Variants in SLC25A31 observed in about 807,000 individuals in gnomAD.
SLC25A31 encodes the protein solute carrier family 25 member 31, also known as ADP/ATP translocase 4.
In SLC25A31, 40 loss-of-function variants were observed where a neutral mutation model predicts 36.2. The observed-to-expected ratio is 1.10, with a 90% CI of 0.86 to 1.44. The LOEUF (loss-of-function observed/expected upper bound fraction) is 1.44. SLC25A31 is among the 40% of genes most tolerant of loss of function. SLC25A31 has a pLI of 0.00. For synonymous variants in SLC25A31, 143 were observed against 149.7 expected, an observed-to-expected ratio of 0.96 and a Z score of 0.32; for missense variants, 350 against 397.1, an observed-to-expected ratio of 0.88 and a Z score of 1.01.
At position 127,773,685 on chromosome 4, in the gene SLC25A31, G is replaced by A. The variant is rs1405364436; in HGVS notation, c.*111G>A. Reference sequence around the variant, plus strand: ...GTTATTGTCTGTATTTTGTTAAAGTGCTAGTTCTGCAATAAAGCATACATT... The same window carrying A: ...GTTATTGTCTGTATTTTGTTAAAGTACTAGTTCTGCAATAAAGCATACATT... On this transcript the variant is annotated 3_prime_UTR_variant, in exon 6 of 6. Coordinates refer to ENST00000281154, the MANE Select transcript of SLC25A31 (RefSeq NM_031291.4). 1.2e-6 allele frequency: 1 copy of A among 818,742 alleles called. No homozygotes were observed. The highest frequency in any genetic ancestry group is 3.0e-5 in the East Asian group (1 of 33,850). The allele number at this position is 818,742 out of a possible 1,614,324, so 50.7% of individuals were successfully genotyped here.
Position 127,767,196 on chromosome 4 carries a change from T to C in SLC25A31, c.609T>C (p.Tyr203=), listed in dbSNP as rs146180302. The C allele has an allele frequency of 1.4e-4, 231 of 1,604,380 alleles. No homozygotes were observed. Among genetic ancestry groups the C allele is most frequent in the Non-Finnish European group, 1.9e-4 (227 of 1,175,416 alleles). ...VQGIIVYRAS[Y]FGAYDTVKGL... ...GCATCATTGTGTACCGAGCCTCTTA[T>C]TTTGGAGCTTATGACACAGTTAAGG... Residue 203 remains tyrosine (Y), a synonymous_variant, in exon 4 of 6, where the codon TAT becomes TAC. Transcript: ENST00000281154.
chr4:127,751,059 T>C (rs551583587), intron 2 of SLC25A31, among the ~76,000 whole-genome samples: 1 of 152,212 alleles, frequency 6.6e-6, no homozygotes, highest in African/African-American at 2.4e-5. Flanking sequence ...CTTCACAGAA[T>C]TGGAAAAAAC....
chr4:127,752,628 T>TA (rs781582528), intron 2 of SLC25A31, among the ~76,000 whole-genome samples: 4 of 151,772 alleles, frequency 2.6e-5, no homozygotes, highest in Non-Finnish European at 5.9e-5. Flanking sequence ...TGGCTATACT[T>TA]ACATCATACA....
At chr4:127,735,887 TATTTA>T (rs1560630421) in intron 1 of SLC25A31, among the ~76,000 whole-genome samples, 13 of 91,990 alleles carry the variant, frequency 1.4e-4, no homozygotes, top group East Asian at 6.1e-4. Flanking sequence ...TTTATTTATT[TATTTA>T]TTTATTTTTT....
rs186684679 is a variant in SLC25A31 at position 127,763,804 on chromosome 4, A to T, written c.361-439A>T. On this transcript the variant is annotated intron_variant, in intron 2 of 5. Coordinates refer to ENST00000281154, the MANE Select transcript of SLC25A31 (RefSeq NM_031291.4). ...CAAAAAGTAATTGCAGTTTTTTGCC[A>T]TAATACTACTTACTTCACCCTTCAC... is the stretch of plus-strand genomic sequence containing the variant. Among the ~76,000 whole-genome samples the T allele has an allele frequency of 1.6e-3, 240 of 152,322 alleles. 1 individual carries two copies. The highest frequency in any genetic ancestry group is 7.0e-3 in the South Asian group (34 of 4,828).
At chr4:127,735,640 C>A (rs1731610363) in intron 1 of SLC25A31, among the ~76,000 whole-genome samples, 2 of 151,892 alleles carry the variant, frequency 1.3e-5, no homozygotes, top group African/African-American at 4.8e-5. Flanking sequence ...AATGAAAAAT[C>A]TTTATCTCAT....
chr4:127,773,020 C>T (rs923165914), intron 5 of SLC25A31, among the ~76,000 whole-genome samples: 2 of 151,990 alleles, frequency 1.3e-5, no homozygotes, highest in African/African-American at 2.4e-5. Context: ...TGGGCTCAAG[C>T]GATCTTCCTG....
Position 127,748,340 on chromosome 4 carries a change from T to C in SLC25A31, c.360+3541T>C, listed in dbSNP as rs1028069266. ...ACCCAGCAACCCACCAGGAGGCTCA[T>C]CTGTACGTGACCCCAGAGACAAGCT... is the stretch of plus-strand genomic sequence containing the variant. On this transcript the variant is annotated intron_variant, in intron 2 of 5. Transcript: ENST00000281154. 5.9e-5 allele frequency among the ~76,000 whole-genome samples: 9 copies of C among 152,290 alleles called. No homozygotes were observed. The South Asian group carries it at 1.2e-3, about 21-fold the overall frequency.
intron 2 of SLC25A31, among the ~76,000 whole-genome samples, chr4:127,758,457 G>A (rs1732071351): frequency 6.6e-6 from 1 of 152,148 alleles, no homozygotes; most frequent in Non-Finnish European, 1.5e-5. Context: ...TCCACTGAAT[G>A]TTGTGCAGAA....
chr4:127,742,538 C>T (rs1731751678), intron 1 of SLC25A31, among the ~76,000 whole-genome samples: 4 of 152,204 alleles, frequency 2.6e-5, no homozygotes, highest in Admixed American at 2.0e-4. Context: ...GATCTGTTCT[C>T]CTCAGACACA....
chr4:127,768,930 TTTAGGTA>T, intron 5 of SLC25A31, 53 bp downstream of exon 5: 1 of 1,485,994 alleles, frequency 6.7e-7, no homozygotes, highest in Non-Finnish European at 9.0e-7. Context: ...ATCTCTGATA[TTTAGGTA>T]TAATCAAATT....
chr4:127,763,989 G>C (rs1267212449), intron 2 of SLC25A31, among the ~76,000 whole-genome samples: 1 of 152,150 alleles, frequency 6.6e-6, no homozygotes, highest in South Asian at 2.1e-4. Flanking sequence ...CTTTGCTGGA[G>C]AACATTAAAA....
At chr4:127,732,647 A>G (rs914782366) in intron 1 of SLC25A31, among the ~76,000 whole-genome samples, 6 of 152,232 alleles carry the variant, frequency 3.9e-5, no homozygotes, top group East Asian at 1.9e-4. Flanking sequence ...AACGTATTCA[A>G]TATGGCCCTT....
At chr4:127,767,023 G>T in intron 3 of SLC25A31, 43 bp from the exon 4 acceptor site, 6 of 1,522,412 alleles carry the variant, frequency 3.9e-6, no homozygotes, top group Non-Finnish European at 5.3e-6. Context: ...GTGTTTATTG[G>T]ATATATAATG....
At chr4:127,734,556 CAAAAAAAAAAAAAAA>C (rs34838538) in intron 1 of SLC25A31, among the ~76,000 whole-genome samples, 1 of 62,244 alleles carries the variant, frequency 1.6e-5, no homozygotes, top group Non-Finnish European at 2.9e-5. Flanking sequence ...AAGACTGTCT[CAAAAAAAAAAAAAAA>C]AAAAAAAAAA....
intron 2 of SLC25A31, among the ~76,000 whole-genome samples, chr4:127,755,358 A>G (rs1732009942): frequency 6.6e-6 from 1 of 152,214 alleles, no homozygotes; most frequent in Non-Finnish European, 1.5e-5. Flanking sequence ...TTGGGAGAAT[A>G]TGTTTGCAAA....
Position 127,767,209 on chromosome 4 carries a change from G to C in SLC25A31, c.622G>C (p.Asp208His). 6.3e-7 allele frequency: 1 copy of C among 1,596,652 alleles called. No individual in the cohort carries two copies. The highest frequency in any genetic ancestry group is 8.5e-7 in the Non-Finnish European group (1 of 1,171,648). The change falls in exon 4 of 6, where the codon GAC (aspartate) becomes CAC (histidine). Residue 208 changes from aspartate (D) to histidine (H), a missense_variant. By Grantham distance (81) the Asp-to-His change is moderately conservative. Coordinates refer to ENST00000281154, the MANE Select transcript of SLC25A31 (RefSeq NM_031291.4). ...VYRASYFGAY[D>H]TVKGLLPKPK... Reference sequence around the variant, plus strand: ...CCGAGCCTCTTATTTTGGAGCTTATGACACAGTTAAGGTAATCTGGGGGCT... The same window carrying C: ...CCGAGCCTCTTATTTTGGAGCTTATCACACAGTTAAGGTAATCTGGGGGCT...
At chr4:127,737,820 A>G (rs1731661245) in intron 1 of SLC25A31, among the ~76,000 whole-genome samples, 1 of 151,834 alleles carries the variant, frequency 6.6e-6, no homozygotes, top group Non-Finnish European at 1.5e-5. Context: ...CAGCCTTCCA[A>G]GCCATTGGGA....
At chr4:127,749,495 C>T (rs1731885640) in intron 2 of SLC25A31, among the ~76,000 whole-genome samples, 1 of 152,078 alleles carries the variant, frequency 6.6e-6, no homozygotes, top group South Asian at 2.1e-4. Flanking sequence ...CCTGTAATCC[C>T]AGCACTTTTG....
Sources: gnomAD v4.1 joint callset for allele counts (sites outside exome capture counted in the v4.1 genomes callset) on GRCh38, gnomAD v4.1.1 for gene constraint, MANE v1.5 for transcripts, NCBI Gene and HGNC (gene_info 2026-07-23, HGNC 2026-07-21) for gene names.